Variants in RTKN2 observed in about 807,000 individuals in gnomAD.
RTKN2 encodes rhotekin-2.
In RTKN2, 69 loss-of-function variants were observed where a neutral mutation model predicts 71.5. That is an observed-to-expected ratio of 0.96 (90% CI 0.79 to 1.18). The LOEUF (loss-of-function observed/expected upper bound fraction) is 1.18. Ranked by LOEUF, RTKN2 falls within the 50% of genes most tolerant of loss-of-function variation. The pLI, the probability that RTKN2 is intolerant of heterozygous loss-of-function variation, is 0.00. For missense variants in RTKN2, 724 were observed against 719.7 expected, an observed-to-expected ratio of 1.01 and a Z score of -0.07; for synonymous variants, 236 against 236.5, an observed-to-expected ratio of 1.00 and a Z score of 0.02.
chr10:62,202,209 C>T (rs1046979225), intron 10 of RTKN2, among the ~76,000 whole-genome samples: 1 of 152,166 alleles, frequency 6.6e-6, no homozygotes, highest in African/African-American at 2.4e-5. Flanking sequence ...TTACATCCCC[C>T]TTGCCCACCA....
chr10:62,195,607 GAAGGAAGGAAGGAAGGA>G lies in RTKN2; in HGVS notation c.*2284_*2300del, dbSNP rs1841310526. 1 of 10,058 alleles carries G rather than the reference GAAGGAAGGAAGGAAGGA, an allele frequency of 9.9e-5. No individual in the cohort carries two copies. Among genetic ancestry groups the G allele is most frequent in the Non-Finnish European group, 1.8e-4 (1 of 5,458 alleles). The allele number at this position is 10,058 out of a possible 1,614,324, so 0.6% of individuals were successfully genotyped here. A position where few individuals can be genotyped will look rare whatever the true frequency, so the allele number is the denominator to read the frequency against. On this transcript the variant is annotated 3_prime_UTR_variant, in exon 12 of 12. Coordinates refer to ENST00000373789, the MANE Select transcript of RTKN2 (RefSeq NM_145307.4). ...GGAAGGAGAGACGGACAGAGGGAAT[GAAGGAAGGAAGGAAGGA>G]AGGAAGGAAGGAAGGAAGGAAGGAA...
At chr10:62,225,262 G>A (rs1490008420) in intron 6 of RTKN2, among the ~76,000 whole-genome samples, 1 of 152,242 alleles carries the variant, frequency 6.6e-6, no homozygotes, top group Non-Finnish European at 1.5e-5. Flanking sequence ...GTCTCTGTGA[G>A]AAGGTAGGAG....
intron 9 of RTKN2, among the ~76,000 whole-genome samples, chr10:62,205,478 T>C (rs1841531923): frequency 1.3e-5 from 2 of 152,166 alleles, no homozygotes; most frequent in Non-Finnish European, 2.9e-5. Context: ...TATTCATGCA[T>C]AATATCTAGT....
At chr10:62,242,677 G>A (rs1408449331) in intron 3 of RTKN2, among the ~76,000 whole-genome samples, 1 of 151,244 alleles carries the variant, frequency 6.6e-6, no homozygotes, top group East Asian at 1.9e-4. Flanking sequence ...GTGCAATCGT[G>A]CGATCTCACT....
At chr10:62,190,623 G>A (rs747921858), downstream of RTKN2, among the ~76,000 whole-genome samples, 2 of 152,010 alleles carry the variant, frequency 1.3e-5, no homozygotes, top group Non-Finnish European at 2.9e-5. Context: ...TAGCCATGTT[G>A]TCTAGAACAA....
intron 8 of RTKN2, 82 bp from the exon 9 acceptor site, chr10:62,217,331 T>A: frequency 5.2e-6 from 5 of 968,618 alleles, no homozygotes; most frequent in Non-Finnish European, 7.2e-6. Flanking sequence ...CTTATCAAGG[T>A]TAAATTAGTT....
intron 6 of RTKN2, among the ~76,000 whole-genome samples, chr10:62,232,991 GACAA>G (rs1163117902): frequency 3.3e-5 from 5 of 152,104 alleles, no homozygotes; most frequent in South Asian, 2.1e-4. Flanking sequence ...AGTATTCATG[GACAA>G]ACAATGAAGT....
In RTKN2 at chr10:62,268,605, C is replaced by G. The variant is rs1842911567; in HGVS notation, c.6G>C (p.Glu2Asp). 5 of 1,563,444 alleles carry G rather than the reference C, an allele frequency of 3.2e-6. No homozygotes were observed. Among genetic ancestry groups the G allele is most frequent in the Non-Finnish European group, 4.3e-6 (5 of 1,153,922 alleles). The change falls in exon 1 of 12, where the codon GAG becomes GAC. Residue 2 changes from glutamate (E) to aspartate (D), a missense_variant. By Grantham distance (45) the Glu-to-Asp change is conservative. Coordinates refer to ENST00000373789, the MANE Select transcript of RTKN2 (RefSeq NM_145307.4). ...GCGCAGGACCCCTCAGGCTCGGCCC[C>G]TCCATCTCCAACGCGAACTGTCCGG... MEGPSLRGPALR... is the reference protein window; with the variant it reads MDGPSLRGPALR...
rs1009725495 is a variant in RTKN2, at chr10:62,268,533, G to C, written c.60+18C>G. 7 of 1,551,784 alleles carry C rather than the reference G, an allele frequency of 4.5e-6. No individual in the cohort carries two copies. The African/African-American group carries it at 8.2e-5, about 18-fold the overall frequency. ...CGGCTCCCTCACCTTCCGCGGCAGG[G>C]TCCCTCCCGCAACTCACCTGCTGGG... On this transcript the variant is annotated intron_variant, in intron 1 of 11. Transcript: ENST00000373789.
At chr10:62,219,244 C>T (rs1841849822) in intron 7 of RTKN2, among the ~76,000 whole-genome samples, 1 of 67,782 alleles carries the variant, frequency 1.5e-5, no homozygotes, top group African/African-American at 4.4e-5. Flanking sequence ...ACCTGAAGGG[C>T]CTGAGAGGGT....
chr10:62,255,480 A>AT (rs1444937309), intron 2 of RTKN2, among the ~76,000 whole-genome samples: 1 of 152,226 alleles, frequency 6.6e-6, no homozygotes, highest in Non-Finnish European at 1.5e-5. Flanking sequence ...AAAACATTGA[A>AT]TAAAAATCCA....
downstream of RTKN2, among the ~76,000 whole-genome samples, chr10:62,190,433 A>C (rs1034857833): frequency 2.6e-5 from 4 of 152,128 alleles, no homozygotes; most frequent in African/African-American, 9.7e-5. Context: ...ATACTACCTC[A>C]TGGGGTTAAA....
At position 62,196,109 on chromosome 10, in the gene RTKN2, C is replaced by G; in HGVS notation, c.*1799G>C. On this transcript the variant is annotated 3_prime_UTR_variant, in exon 12 of 12. Transcript: ENST00000373789. Reference sequence around the variant, plus strand: ...ATTTTCCCTGCAGCATCTTCTAGCTCAATAATTTAGTGGCAATGACAGTCA... The same window carrying G: ...ATTTTCCCTGCAGCATCTTCTAGCTGAATAATTTAGTGGCAATGACAGTCA... The G allele has an allele frequency of 1.0e-6, 1 of 984,996 alleles. No individual in the cohort carries two copies. Among genetic ancestry groups the G allele is most frequent in the East Asian group, 1.1e-4 (1 of 8,804 alleles). The allele number at this position is 984,996 out of a possible 1,614,324, so 61.0% of individuals were successfully genotyped here.
chr10:62,205,283 AGATT>A (rs1377452207), intron 9 of RTKN2, among the ~76,000 whole-genome samples: 1 of 152,188 alleles, frequency 6.6e-6, no homozygotes, highest in Non-Finnish European at 1.5e-5. Context: ...AAATTACATG[AGATT>A]AAAACATAAC....
In RTKN2 at chr10:62,194,454, A is replaced by G; in HGVS notation, c.*3454T>C. ...GGCTACTAGAATATAAATGGTCATC[A>G]GTTAAAGTTTAATTACTATTCAATA... On this transcript the variant is annotated 3_prime_UTR_variant, in exon 12 of 12. Transcript: ENST00000373789. 5.1e-6 allele frequency: 5 copies of G among 978,596 alleles called. No homozygotes were observed. Among genetic ancestry groups the G allele is most frequent in the Non-Finnish European group, 6.1e-6 (5 of 823,724 alleles). 60.6% of individuals were successfully genotyped at this position (978,596 alleles called of 1,614,324 possible).
In RTKN2 at chr10:62,196,328, C is replaced by A; in HGVS notation, c.*1580G>T. 1 of 983,844 alleles carries A rather than the reference C, an allele frequency of 1.0e-6. No individual in the cohort carries two copies. The allele number at this position is 983,844 out of a possible 1,614,324, so 60.9% of individuals were successfully genotyped here. On this transcript the variant is annotated 3_prime_UTR_variant, in exon 12 of 12. Coordinates refer to ENST00000373789, the MANE Select transcript of RTKN2 (RefSeq NM_145307.4). ...GTGATGATCTCTACATGCTATCAAG[C>A]AGGCATATAGTACTTTCTTCTCACC...
intron 1 of RTKN2, among the ~76,000 whole-genome samples, chr10:62,265,212 T>C (rs114015821): frequency 1.1e-3 from 171 of 152,278 alleles, no homozygotes; most frequent in African/African-American, 3.9e-3. Flanking sequence ...TTTTTTCCTT[T>C]AGAGCAAGGG....
intron 9 of RTKN2, chr10:62,215,152 A>G (rs1841742470): frequency 3.3e-5 from 33 of 1,006,602 alleles, no homozygotes; most frequent in Non-Finnish European, 4.6e-5. Context: ...TCTATGGTAT[A>G]AAATATAAGA....
Position 62,262,830 on chromosome 10 carries a change from A to T in RTKN2, c.61-9T>A. 2 of 1,584,008 alleles carry T rather than the reference A, an allele frequency of 1.3e-6. No individual in the cohort carries two copies. Among genetic ancestry groups the T allele is most frequent in the Non-Finnish European group, 1.7e-6 (2 of 1,164,278 alleles). Reference sequence around the variant, plus strand: ...TCTTGAATGTTGCAGTCCTAAAAAAAAAATGCATCTTGAAAATATAGCAAA... The same window carrying T: ...TCTTGAATGTTGCAGTCCTAAAAAATAAATGCATCTTGAAAATATAGCAAA... On this transcript the variant is annotated splice_polypyrimidine_tract_variant and intron_variant, in intron 1 of 11. Transcript: ENST00000373789.
Sources: allele counts gnomAD v4.1 joint callset (sites outside exome capture counted in the v4.1 genomes callset), GRCh38; gene constraint gnomAD v4.1.1; transcripts MANE v1.5; gene names NCBI Gene and HGNC (gene_info 2026-07-23, HGNC 2026-07-21).